Variants in ACOXL observed in about 807,000 individuals in gnomAD.
ACOXL encodes the protein acyl-coenzyme A oxidase-like protein.
ACOXL carries 70 observed loss-of-function variants against 71.9 expected under a neutral mutation model. The observed-to-expected ratio is 0.97, with a 90% CI of 0.80 to 1.19. The LOEUF (loss-of-function observed/expected upper bound fraction) is 1.19. Ranked by LOEUF, ACOXL falls within the 50% of genes most tolerant of loss-of-function variation. The pLI, the probability that ACOXL is intolerant of heterozygous loss-of-function variation, is 0.00. For missense variants in ACOXL, 703 were observed against 736.3 expected, an observed-to-expected ratio of 0.95 and a Z score of 0.52; for synonymous variants, 253 against 281.6, an observed-to-expected ratio of 0.90 and a Z score of 1.02.
chr2:111,060,137 A>G (rs2066737213), intron 16 of ACOXL, among the ~76,000 whole-genome samples: 2 of 152,150 alleles, frequency 1.3e-5, no homozygotes, highest in Non-Finnish European at 2.9e-5. Context: ...TGGGGTTTTC[A>G]TCTCCACTTG....
At chr2:110,777,643 T>C (rs1682814625) in intron 2 of ACOXL, among the ~76,000 whole-genome samples, 1 of 152,182 alleles carries the variant, frequency 6.6e-6, no homozygotes, top group South Asian at 2.1e-4. Context: ...CTTCCAAGTG[T>C]GCACTGTCTC....
chr2:110,779,255 C>G (rs773534539), intron 2 of ACOXL, among the ~76,000 whole-genome samples: 4 of 152,104 alleles, frequency 2.6e-5, no homozygotes, highest in Non-Finnish European at 5.9e-5. Flanking sequence ...CAGAATGCTC[C>G]CAGGATCTGT....
At chr2:110,846,271 G>A (rs1282890366) in intron 10 of ACOXL, among the ~76,000 whole-genome samples, 1 of 152,134 alleles carries the variant, frequency 6.6e-6, no homozygotes, top group South Asian at 2.1e-4. Context: ...AGGGGATGAA[G>A]GAAAGGGGGA....
At chr2:111,059,407 T>C (rs943723917) in intron 16 of ACOXL, among the ~76,000 whole-genome samples, 13 of 152,228 alleles carry the variant, frequency 8.5e-5, no homozygotes, top group Non-Finnish European at 2.9e-5. Flanking sequence ...ATATCAGGAT[T>C]AAGATTTATT....
intron 10 of ACOXL, among the ~76,000 whole-genome samples, chr2:110,869,679 A>C (rs930768449): frequency 3.9e-5 from 6 of 152,192 alleles, no homozygotes; most frequent in Admixed American, 1.3e-4. Flanking sequence ...ACAAGAGGCA[A>C]AGTAGCCAGT....
intron 15 of ACOXL, among the ~76,000 whole-genome samples, chr2:111,041,409 C>G (rs2065775674): frequency 6.6e-6 from 1 of 152,174 alleles, no homozygotes; most frequent in Non-Finnish European, 1.5e-5. Flanking sequence ...TTGGCTGACT[C>G]TTGTTCCGCT....
intron 11 of ACOXL, among the ~76,000 whole-genome samples, chr2:110,921,083 T>C (rs2060048903): frequency 6.6e-6 from 1 of 152,168 alleles, no homozygotes; most frequent in African/African-American, 2.4e-5. Flanking sequence ...TTGTCAAATT[T>C]ATGGCGATAG....
chr2:110,889,884 A>G (rs1445646960), intron 10 of ACOXL, among the ~76,000 whole-genome samples: 6 of 152,146 alleles, frequency 3.9e-5, no homozygotes, highest in African/African-American at 1.4e-4. Flanking sequence ...TTGAGGAACT[A>G]CCAAATATTT....
At chr2:111,062,476 A>G (rs1478795169) in intron 16 of ACOXL, among the ~76,000 whole-genome samples, 2 of 152,146 alleles carry the variant, frequency 1.3e-5, no homozygotes, top group Non-Finnish European at 2.9e-5. Flanking sequence ...ATCTATGGAC[A>G]TTTTTGGAAC....
intron 10 of ACOXL, among the ~76,000 whole-genome samples, chr2:110,861,836 T>C (rs1458180323): frequency 6.6e-6 from 1 of 152,208 alleles, no homozygotes; most frequent in Admixed American, 6.5e-5. Context: ...CTCACCGGGC[T>C]GCACCTTGCC....
intron 11 of ACOXL, among the ~76,000 whole-genome samples, 191 bp downstream of exon 11, chr2:110,909,096 A>G (rs182662353): frequency 3.0e-4 from 45 of 152,344 alleles, no homozygotes; most frequent in Admixed American, 2.0e-3. Flanking sequence ...TAACCTGGAC[A>G]TCTGATTTTA....
intron 16 of ACOXL, among the ~76,000 whole-genome samples, chr2:111,075,554 A>G (rs139115948): frequency 1.3e-5 from 2 of 151,376 alleles, no homozygotes; most frequent in Non-Finnish European, 3.0e-5. Context: ...TTTCTCTATC[A>G]TATTTCTATT....
At chr2:110,914,156 AT>A (rs1231476916) in intron 11 of ACOXL, among the ~76,000 whole-genome samples, 2 of 152,194 alleles carry the variant, frequency 1.3e-5, no homozygotes, top group Admixed American at 1.3e-4. Flanking sequence ...GGTATGAGAA[AT>A]ATGTCTAATA....
intron 2 of ACOXL, among the ~76,000 whole-genome samples, chr2:110,774,151 A>G (rs1170434194): frequency 6.6e-6 from 1 of 152,228 alleles, no homozygotes; most frequent in Non-Finnish European, 1.5e-5. Context: ...TCCGTGTGCC[A>G]GGTGAGGTGA....
chr2:110,751,916 C>T (rs1194697358), intron 1 of ACOXL, among the ~76,000 whole-genome samples: 1 of 152,124 alleles, frequency 6.6e-6, no homozygotes, highest in Non-Finnish European at 1.5e-5. Context: ...ACAACTACAA[C>T]AGATACTAAA....
intron 17 of ACOXL, chr2:111,093,600 C>T (rs529571385): frequency 6.5e-6 from 10 of 1,540,238 alleles, no homozygotes; most frequent in African/African-American, 1.4e-5. Context: ...TGCAGTGGCT[C>T]ATGCCTGTAA....
At chr2:111,009,954 A>G (rs994593435) in intron 14 of ACOXL, among the ~76,000 whole-genome samples, 2 of 152,222 alleles carry the variant, frequency 1.3e-5, no homozygotes, top group Non-Finnish European at 2.9e-5. Context: ...TATAAATTCA[A>G]GTTTATCTGC....
chr2:110,979,976 C>T (rs1166086712), intron 12 of ACOXL, among the ~76,000 whole-genome samples: 1 of 152,144 alleles, frequency 6.6e-6, no homozygotes, highest in African/African-American at 2.4e-5. Flanking sequence ...TCTAACAAAA[C>T]CCGTCTTTGG....
At chr2:110,739,607 C>A (rs1302898675) in intron 1 of ACOXL, among the ~76,000 whole-genome samples, 1 of 152,198 alleles carries the variant, frequency 6.6e-6, no homozygotes, top group Non-Finnish European at 1.5e-5. Context: ...TCCAGTGTTC[C>A]CCATGTGGGT....
Sources: allele counts gnomAD v4.1 joint callset (sites outside exome capture counted in the v4.1 genomes callset), GRCh38; gene constraint gnomAD v4.1.1; transcripts MANE v1.5; gene names NCBI Gene and HGNC (gene_info 2026-07-23, HGNC 2026-07-21).